PARN: variants seen among roughly 807,000 people sequenced by gnomAD.
PARN encodes poly(A)-specific ribonuclease PARN.
PARN carries 71 observed loss-of-function variants against 102.8 expected under a neutral mutation model. That is an observed-to-expected ratio of 0.69 (90% CI 0.57 to 0.84). The LOEUF (loss-of-function observed/expected upper bound fraction) is 0.84, where lower values mean the gene tolerates loss of function less well. PARN is among the 40% of genes least tolerant of loss of function. PARN has a pLI of 0.00. For missense variants in PARN, 782 were observed against 760.9 expected, an observed-to-expected ratio of 1.03 and a Z score of -0.33; for synonymous variants, 261 against 252.9, an observed-to-expected ratio of 1.03 and a Z score of -0.30.
chr16:14,572,039 T>A (rs540566865), intron 18 of PARN, among the ~76,000 whole-genome samples: 26 of 152,100 alleles, frequency 1.7e-4, no homozygotes, highest in Non-Finnish European at 3.1e-4. Context: ...AAAACTCATG[T>A]TTATGTTGGG....
At chr16:14,521,662 G>C (rs530574044) in intron 21 of PARN, among the ~76,000 whole-genome samples, 3 of 152,250 alleles carry the variant, frequency 2.0e-5, no homozygotes, top group African/African-American at 7.2e-5. Flanking sequence ...GCAGGGTGTA[G>C]TGGTACATGC....
intron 22 of PARN, among the ~76,000 whole-genome samples, chr16:14,471,052 G>C (rs1962709694): frequency 6.6e-6 from 1 of 152,188 alleles, no homozygotes; most frequent in Non-Finnish European, 1.5e-5. Context: ...CAAAGGGCTA[G>C]GATTACAGGT....
intron 10 of PARN, 106 bp from the exon 11 acceptor site, chr16:14,604,332 C>G: frequency 1.5e-6 from 1 of 688,182 alleles, no homozygotes; most frequent in Non-Finnish European, 2.5e-6. Context: ...ATGATCTCAG[C>G]TCACTGCAAA....
At chr16:14,621,692 T>C (rs1972308031) in intron 5 of PARN, among the ~76,000 whole-genome samples, 1 of 151,172 alleles carries the variant, frequency 6.6e-6, no homozygotes, top group South Asian at 2.1e-4. Flanking sequence ...GCGCCTGTAG[T>C]CCCAGCTACT....
intron 6 of PARN, among the ~76,000 whole-genome samples, chr16:14,615,107 G>C (rs181230445): frequency 1.3e-5 from 2 of 152,212 alleles, no homozygotes; most frequent in Non-Finnish European, 2.9e-5. Flanking sequence ...TACAGAGCCT[G>C]AATGGAAAGC....
intron 21 of PARN, among the ~76,000 whole-genome samples, chr16:14,534,425 T>C (rs992616730): frequency 1.3e-4 from 20 of 152,274 alleles, no homozygotes; most frequent in African/African-American, 4.6e-4. Flanking sequence ...TCTTAAAATA[T>C]AATCACAGAA....
chr16:14,519,316 G>A (rs1253852995), intron 21 of PARN, among the ~76,000 whole-genome samples: 1 of 110,098 alleles, frequency 9.1e-6, no homozygotes, highest in Non-Finnish European at 1.9e-5. Context: ...AAGGGAAGGG[G>A]AGGGGAGGGG....
chr16:14,554,205 C>A (rs1488108013), intron 19 of PARN, 54 bp from the exon 20 acceptor site: 5 of 1,201,888 alleles, frequency 4.2e-6, no homozygotes, highest in Non-Finnish European at 6.1e-6. Context: ...ATCAAGTAAA[C>A]CAGTGACTCT....
chr16:14,483,738 TC>T (rs760635946), intron 21 of PARN, among the ~76,000 whole-genome samples: 2 of 152,264 alleles, frequency 1.3e-5, no homozygotes, highest in Non-Finnish European at 2.9e-5. Context: ...GGCATTATCT[TC>T]CTCAACTTGA....
intron 21 of PARN, among the ~76,000 whole-genome samples, chr16:14,531,900 A>C (rs879345966): frequency 0.19 from 24,017 of 126,368 alleles, 2,217 homozygotes; most frequent in Middle Eastern, 0.29. Context: ...CCATTTCTTT[A>C]AAAAAAAAAA....
chr16:14,620,974 A>G (rs1205531318), intron 5 of PARN, among the ~76,000 whole-genome samples: 1 of 152,214 alleles, frequency 6.6e-6, no homozygotes, highest in Non-Finnish European at 1.5e-5. Context: ...TACCGTATAT[A>G]TCTTTAATAA....
intron 17 of PARN, among the ~76,000 whole-genome samples, chr16:14,581,622 A>T (rs375849408): frequency 6.6e-6 from 1 of 152,274 alleles, no homozygotes; most frequent in African/African-American, 2.4e-5. Flanking sequence ...TAGTGCCCTT[A>T]TAAGAAGGGT....
At chr16:14,557,449 C>T (rs555221742) in intron 18 of PARN, among the ~76,000 whole-genome samples, 7 of 150,664 alleles carry the variant, frequency 4.6e-5, no homozygotes, top group East Asian at 2.0e-4. Context: ...CCCAGCTACT[C>T]GGGAGGCTAA....
chr16:14,479,425 TA>T (rs920076526), intron 22 of PARN, among the ~76,000 whole-genome samples: 46 of 141,788 alleles, frequency 3.2e-4, no homozygotes, highest in Admixed American at 7.7e-4. Flanking sequence ...CCATCTCTAT[TA>T]AAAAAAAAAA....
intron 21 of PARN, among the ~76,000 whole-genome samples, chr16:14,483,369 G>A (rs1963485400): frequency 6.6e-6 from 1 of 152,176 alleles, no homozygotes; most frequent in Admixed American, 6.5e-5. Context: ...GAGAGGAAAT[G>A]TTTTTACTGG....
rs1567341982 is a variant in PARN at position 14,519,334 on chromosome 16, TGGAGGGTGGAGGGGAGG to T, written c.1480+32670_1480+32686del. The stretch of plus-strand genomic sequence containing the variant: ...GGAAGGGGAGGGGAGGGGACGTGAG[TGGAGGGTGGAGGGGAGG>T]GGAGGGGAGGGGAGGAAGAACATTT... On this transcript the variant is annotated intron_variant, in intron 21 of 23. Coordinates refer to ENST00000437198, the MANE Select transcript of PARN (RefSeq NM_002582.4). Among the ~76,000 whole-genome samples, 9 of 10,468 alleles carry T rather than the reference TGGAGGGTGGAGGGGAGG, an allele frequency of 8.6e-4. No individual in the cohort carries two copies. The South Asian group carries it at 0.038, about 44-fold the overall frequency. The allele number at this position is 10,468 out of a possible 152,430, so 6.9% of individuals were successfully genotyped here.
At chr16:14,516,048 C>CA (rs1195008928) in intron 21 of PARN, among the ~76,000 whole-genome samples, 1 of 150,932 alleles carries the variant, frequency 6.6e-6, no homozygotes, top group Non-Finnish European at 1.5e-5. Context: ...CATTAACACT[C>CA]AAAAAAAATT....
intron 22 of PARN, among the ~76,000 whole-genome samples, chr16:14,466,455 T>G (rs1007161550): frequency 9.2e-5 from 14 of 152,192 alleles, no homozygotes; most frequent in Admixed American, 7.2e-4. Context: ...CTGTTACGAT[T>G]TGGCTTTATG....
At chr16:14,539,697 G>A (rs1966766815) in intron 21 of PARN, among the ~76,000 whole-genome samples, 1 of 152,182 alleles carries the variant, frequency 6.6e-6, no homozygotes, top group African/African-American at 2.4e-5. Flanking sequence ...ACATTCACAT[G>A]TCTTACTAAT....
Sources: allele counts gnomAD v4.1 joint callset (sites outside exome capture counted in the v4.1 genomes callset), GRCh38; gene constraint gnomAD v4.1.1; transcripts MANE v1.5; gene names NCBI Gene and HGNC (gene_info 2026-07-23, HGNC 2026-07-21).